Variants in YARS1 observed in about 807,000 individuals in gnomAD.
YARS1 encodes the protein tyrosine--tRNA ligase, cytoplasmic.
In YARS1, 36 loss-of-function variants were observed where a neutral mutation model predicts 62.2. The ratio of observed to expected loss-of-function variants is 0.58; its 90% confidence interval spans 0.44 to 0.76. The LOEUF is 0.76. Among genes scored for constraint, YARS1 ranks in the 30% least tolerant of loss-of-function variants. YARS1 has a pLI of 0.00. For missense variants in YARS1, 524 were observed against 639.8 expected (o/e 0.82, Z 1.95); for synonymous variants, 234 against 244.9 (o/e 0.96, Z 0.42).
chr1:32,804,349 G>C (rs564926543), intron 4 of YARS1, among the ~76,000 whole-genome samples: 5 of 150,984 alleles, frequency 3.3e-5, no homozygotes, highest in African/African-American at 1.2e-4. Flanking sequence ...CCTCCCGGAC[G>C]GGGTGGCTGG....
chr1:32,799,661 T>C (rs1653712609), intron 4 of YARS1, among the ~76,000 whole-genome samples: 1 of 152,262 alleles, frequency 6.6e-6, no homozygotes, highest in Admixed American at 6.5e-5. Context: ...ATTATATGTC[T>C]GTGCTGTCCA....
In YARS1 at chr1:32,797,180, T is replaced by C. The variant is rs527492923; in HGVS notation, c.591+583A>G. On this transcript the variant is annotated intron_variant, in intron 5 of 12. Transcript: ENST00000373477. ...TGAGCCCAGGGGTTTGAGACCTGCC[T>C]GGGCAACACAGGGAGGCCTCATCCC... 1.7e-4 allele frequency among the ~76,000 whole-genome samples: 26 copies of C among 150,412 alleles called. No individual in the cohort carries two copies. In the South Asian group the frequency reaches 4.2e-3, roughly 24 times the overall value.
chr1:32,778,568 G>A (rs576095035), intron 12 of YARS1, among the ~76,000 whole-genome samples: 15 of 151,512 alleles, frequency 9.9e-5, no homozygotes, highest in African/African-American at 3.1e-4. Flanking sequence ...CACCGCGCCC[G>A]GCCGATTTTT....
intron 6 of YARS1, among the ~76,000 whole-genome samples, chr1:32,788,898 C>G (rs1216445354): frequency 1.3e-5 from 2 of 152,078 alleles, no homozygotes; most frequent in East Asian, 3.9e-4. Context: ...AATCATGGCC[C>G]ACTGCGACCT....
At chr1:32,778,485 T>C (rs1165887500) in intron 12 of YARS1, among the ~76,000 whole-genome samples, 6 of 151,506 alleles carry the variant, frequency 4.0e-5, no homozygotes, top group African/African-American at 1.5e-4. Flanking sequence ...CTCGGCTCAC[T>C]GCAAGCTCCA....
In YARS1 at chr1:32,791,204, C is replaced by T. The variant is rs930469813; in HGVS notation, c.642G>A (p.Met214Ile). ...YSKRVHLMNP[M>I]VPGLTGSKMS... ...TTTTGCTGCCTGTTAATCCTGGAAC[C>T]ATAGGATTCATCAGATGGACCCGTT... Residue 214 changes from methionine to isoleucine, a missense_variant, in exon 6 of 13, where the codon ATG (methionine) becomes ATA (isoleucine). Coordinates refer to ENST00000373477, the MANE Select transcript of YARS1 (RefSeq NM_003680.4). 6.8e-6 allele frequency: 11 copies of T among 1,613,956 alleles called. No homozygotes were observed. Among genetic ancestry groups the T allele is most frequent in the Non-Finnish European group, 8.5e-6 (10 of 1,180,000 alleles).
At chr1:32,816,002 G>C (rs1350535385) in intron 1 of YARS1, among the ~76,000 whole-genome samples, 1 of 151,680 alleles carries the variant, frequency 6.6e-6, no homozygotes, top group African/African-American at 2.4e-5. Context: ...CCAGCTACTC[G>C]GGAGGCTGAG....
intron 6 of YARS1, among the ~76,000 whole-genome samples, chr1:32,788,951 T>C (rs566715974): frequency 1.2e-4 from 18 of 152,212 alleles, no homozygotes; most frequent in African/African-American, 4.3e-4. Context: ...CAGCCTCCCA[T>C]GTAGCTGGAA....
At chr1:32,803,107 T>C (rs964474003) in intron 4 of YARS1, among the ~76,000 whole-genome samples, 1 of 151,108 alleles carries the variant, frequency 6.6e-6, no homozygotes, top group East Asian at 1.9e-4. Context: ...CTCAGCCTCC[T>C]GAGTAGCTGG....
At chr1:32,795,125 T>C (rs1341300489) in intron 5 of YARS1, among the ~76,000 whole-genome samples, 3 of 150,396 alleles carry the variant, frequency 2.0e-5, no homozygotes, top group African/African-American at 7.4e-5. Flanking sequence ...CGAGACCACC[T>C]TGGCTAACAC....
At chr1:32,806,158 C>G (rs924742529) in intron 4 of YARS1, among the ~76,000 whole-genome samples, 1 of 152,128 alleles carries the variant, frequency 6.6e-6, no homozygotes, top group African/African-American at 2.4e-5. Flanking sequence ...TTGTCTTATA[C>G]GGGCACAGTT....
chr1:32,806,074 TGAG>T (rs1479298349), intron 4 of YARS1, among the ~76,000 whole-genome samples: 3 of 152,154 alleles, frequency 2.0e-5, no homozygotes, highest in East Asian at 1.9e-4. Flanking sequence ...TTTTAGGAAA[TGAG>T]GAGGCCAGGA....
rs542219228 is a variant in YARS1, at chr1:32,776,967, C to CA, written c.1477-877dup. ...GGGTGACAGAGTGAGACTCCGTCTC[C>CA]AAAAAAAAAGAGCTTAGTTAGATTT... On this transcript the variant is annotated intron_variant, in intron 12 of 12. Transcript: ENST00000373477. This position sits in a 1 kb window ranked among gnomAD's most constrained non-coding sequence, Gnocchi z 4.0. 1.2e-4 allele frequency among the ~76,000 whole-genome samples: 18 copies of CA among 146,324 alleles called. No homozygotes were observed. The highest frequency in any genetic ancestry group is 3.5e-4 in the African/African-American group (14 of 39,940).
chr1:32,803,323 G>A (rs1197080938), intron 4 of YARS1, among the ~76,000 whole-genome samples: 1 of 149,876 alleles, frequency 6.7e-6, no homozygotes, highest in African/African-American at 2.5e-5. Context: ...GTAGAGACCG[G>A]GTTTCACCAT....
intron 8 of YARS1, among the ~76,000 whole-genome samples, chr1:32,785,906 T>C (rs78320277): frequency 6.6e-6 from 1 of 152,112 alleles, no homozygotes; most frequent in South Asian, 2.1e-4. Context: ...TTTTTTTTTT[T>C]TTAGTATCTC....
chr1:32,814,774 AC>A (rs1284065770), intron 1 of YARS1, among the ~76,000 whole-genome samples: 2 of 152,200 alleles, frequency 1.3e-5, no homozygotes, highest in Admixed American at 6.5e-5. Flanking sequence ...CTTTTTACAA[AC>A]CTTTAATGAT....
chr1:32,776,108 A>C lies in YARS1; in HGVS notation c.1477-17T>G. Reference sequence around the variant, plus strand: ...GAAGTCAGCCTGGACAAGACAGATAAGAGAGATTTTAATGATGGTGGTGGG... The same window carrying C: ...GAAGTCAGCCTGGACAAGACAGATACGAGAGATTTTAATGATGGTGGTGGG... On this transcript the variant is annotated splice_polypyrimidine_tract_variant and intron_variant, in intron 12 of 12. Transcript: ENST00000373477. This position sits in a 1 kb window ranked among gnomAD's most constrained non-coding sequence, Gnocchi z 4.0. 1.2e-6 allele frequency: 2 copies of C among 1,603,670 alleles called. No individual in the cohort carries two copies. Among genetic ancestry groups the C allele is most frequent in the Non-Finnish European group, 1.7e-6 (2 of 1,171,256 alleles).
At chr1:32,813,261 G>A (rs780293358) in intron 1 of YARS1, among the ~76,000 whole-genome samples, 9 of 152,204 alleles carry the variant, frequency 5.9e-5, no homozygotes, top group Non-Finnish European at 1.2e-4. Flanking sequence ...GCTGTGTCAG[G>A]TGCCATGGTC....
intron 4 of YARS1, among the ~76,000 whole-genome samples, chr1:32,802,978 A>ACTTT (rs1374994869): frequency 3.4e-5 from 3 of 89,412 alleles, no homozygotes; most frequent in Non-Finnish European, 2.3e-5. Flanking sequence ...ACGCCTGGCT[A>ACTTT]TTTTTTTTTT....
Sources: gnomAD v4.1 joint callset for allele counts (sites outside exome capture counted in the v4.1 genomes callset) on GRCh38, gnomAD v4.1.1 for gene constraint, Gnocchi (gnomAD v3.1) non-coding constraint, MANE v1.5 for transcripts, NCBI Gene and HGNC (gene_info 2026-07-23, HGNC 2026-07-21) for gene names.